The following GBA2 variants were observed in gnomAD, a reference collection of about 807,000 sequenced individuals.
GBA2 encodes the protein non-lysosomal glucosylceramidase.
GBA2 carries 79 observed loss-of-function variants against 112.9 expected under a neutral mutation model. The ratio of observed to expected loss-of-function variants is 0.70; its 90% CI spans 0.58 to 0.84. GBA2 has a LOEUF of 0.84. Ranked by LOEUF, GBA2 falls within the 40% of genes least tolerant of loss-of-function variation. The pLI, the probability that GBA2 is intolerant of heterozygous loss-of-function variation, is 0.00. For synonymous variants in GBA2, 403 were observed against 434.3 expected, an observed-to-expected ratio of 0.93 and a Z score of 0.90; for missense variants, 1,043 against 1,190.0, an observed-to-expected ratio of 0.88 and a Z score of 1.82.
chr9:35,739,056 C>T lies in GBA2; in HGVS notation c.1741G>A (p.Val581Met), dbSNP rs780871073. ...TTCCTCCTTTTCACAGGTGCCATCA[C>T]CCCACTCATCAGGTACCGTCGCCGT... ...LTRRRYLMSG[V>M]MAPVKRRNVI... Residue 581 changes from valine (V) to methionine (M), a missense_variant, in exon 11 of 17, where the codon GTG becomes ATG. Physicochemically the swap from Val to Met is conservative, Grantham distance 21. Transcript: ENST00000378103. 3 of 1,613,692 alleles carry T rather than the reference C, an allele frequency of 1.9e-6. No homozygotes were observed. The Middle Eastern group carries it at 5.0e-4, about 267-fold the overall frequency.
In GBA2 at chr9:35,738,121, C is replaced by G. The variant is rs766699931; in HGVS notation, c.2229G>C (p.Arg743=). ...GRYYNYDSSS[R]PQSRSVMSDQ... is the part of the protein sequence containing the mutation. ...CAGACATAACACTACGAGACTGAGG[C>G]CGAGAGCTGCTGTCATAGTTGTAAT... The change falls in exon 15 of 17, where the codon CGG becomes CGC. Residue 743 remains arginine, a synonymous_variant. Coordinates refer to ENST00000378103, the MANE Select transcript of GBA2 (RefSeq NM_020944.3). 16 of 1,613,960 alleles carry G rather than the reference C, an allele frequency of 9.9e-6. No individual in the cohort carries two copies. The East Asian group carries it at 3.3e-4, about 34-fold the overall frequency.
In GBA2 at chr9:35,737,920, A is replaced by G. The variant is rs748939597; in HGVS notation, c.2333T>C (p.Val778Ala). 6.2e-7 allele frequency: 1 copy of G among 1,611,842 alleles called. No homozygotes were observed. The highest frequency in any genetic ancestry group is 8.5e-7 in the Non-Finnish European group (1 of 1,179,320). Reference protein sequence around the residue: ...GDTEVFPTQHVVRALQTIFEL... With the variant: ...GDTEVFPTQHAVRALQTIFEL... Reference sequence around the variant, plus strand: ...AAAGATAGTTTGGAGAGCACGGACCACATGTTGGGTAGGAAACACCTGGAG... The same window carrying G: ...AAAGATAGTTTGGAGAGCACGGACCGCATGTTGGGTAGGAAACACCTGGAG... Residue 778 changes from valine to alanine, a missense_variant, in exon 16 of 17, where the codon GTG becomes GCG. Coordinates refer to ENST00000378103, the MANE Select transcript of GBA2 (RefSeq NM_020944.3). This position sits in a 1 kb window ranked among gnomAD's most constrained non-coding sequence, Gnocchi z 4.1.
chr9:35,737,739 G>A lies in GBA2; in HGVS notation c.2505+9C>T. ...AGATGGTGGAGAGATGGGAAAAGGA[G>A]TGCATTACCTCTTGGATCATGGTAG... is the stretch of plus-strand genomic sequence containing the variant. On this transcript the variant is annotated intron_variant, in intron 16 of 16. Transcript: ENST00000378103. The surrounding 1 kb of genome is among the most constrained non-coding windows in gnomAD (Gnocchi z 4.1). 1 of 1,613,220 alleles carries A rather than the reference G, an allele frequency of 6.2e-7. No homozygotes were observed. The highest frequency in any genetic ancestry group is 8.5e-7 in the Non-Finnish European group (1 of 1,179,164).
In GBA2 at chr9:35,738,830, C is replaced by T; in HGVS notation, c.1869G>A (p.Lys623=). The change falls in exon 12 of 17, where the codon AAG becomes AAA. Residue 623 remains lysine (K), a synonymous_variant. Coordinates refer to ENST00000378103, the MANE Select transcript of GBA2 (RefSeq NM_020944.3). ...AGTCCCGATAAACCTGCAGCACAAA[C>T]TTCAGGTTCAGGTCCTTCCAATCAG... ...DTADWKDLNL[K]FVLQVYRDYY... 2 of 1,614,108 alleles carry T rather than the reference C, an allele frequency of 1.2e-6. No homozygotes were observed. Among genetic ancestry groups the T allele is most frequent in the East Asian group, 2.2e-5 (1 of 44,888 alleles).
chr9:35,741,596 C>T lies in GBA2; in HGVS notation c.786+76G>A. The T allele has an allele frequency of 9.9e-7, 1 of 1,011,890 alleles. No homozygotes were observed. The highest frequency in any genetic ancestry group is 1.7e-5 in the Admixed American group (1 of 59,118). 62.7% of individuals were successfully genotyped at this position (1,011,890 alleles called of 1,614,324 possible). The stretch of plus-strand genomic sequence containing the variant: ...TACAGGCGTGAGCTACCGCGCCTCG[C>T]AGGCCATGCAGTTTCTAGCAGAGGC... On this transcript the variant is annotated intron_variant, in intron 4 of 16. Transcript: ENST00000378103. This position sits in a 1 kb window ranked among gnomAD's most constrained non-coding sequence, Gnocchi z 4.6.
At chr9:35,738,958 G>A (rs368866161) in intron 11 of GBA2, 44 bp downstream of exon 11, 49 of 1,607,720 alleles carry the variant, frequency 3.0e-5, no homozygotes, top group Non-Finnish European at 3.8e-5. Context: ...GGTAGAGGGT[G>A]CAAAAGTTGA....
Position 35,737,561 on chromosome 9 carries a change from G to A in GBA2, c.2506-114C>T, listed in dbSNP as rs761563240. 1.9e-5 allele frequency: 30 copies of A among 1,555,892 alleles called. No individual in the cohort carries two copies. In the South Asian group the frequency reaches 3.0e-4, roughly 16 times the overall value. On this transcript the variant is annotated intron_variant, in intron 16 of 16. Transcript: ENST00000378103. The surrounding 1 kb of genome is among the most constrained non-coding windows in gnomAD (Gnocchi z 4.1). ...GCCTTCAAGGAGCTCCCAGCAAGTG[G>A]AGGAGATAACTATGACCCACAGACA...
rs769843232 is a variant in GBA2, at chr9:35,741,943, A to G, written c.568-53T>C. The G allele has an allele frequency of 8.3e-7, 1 of 1,211,890 alleles. No individual in the cohort carries two copies. Among genetic ancestry groups the G allele is most frequent in the Non-Finnish European group, 1.2e-6 (1 of 822,358 alleles). The allele number at this position is 1,211,890 out of a possible 1,614,324, so 75.1% of individuals were successfully genotyped here. A position where few individuals can be genotyped will look rare whatever the true frequency, so the allele number is the denominator to read the frequency against. On this transcript the variant is annotated intron_variant, in intron 3 of 16. Transcript: ENST00000378103. The surrounding 1 kb of genome is among the most constrained non-coding windows in gnomAD (Gnocchi z 4.6). ...GGTAAACCACAGGGACCACAGACTA[A>G]GTCTTCCCTCTCCTCAAATCAGCTC...
chr9:35,742,942 G>T (rs757777019), intron 3 of GBA2, among the ~76,000 whole-genome samples: 1 of 152,216 alleles, frequency 6.6e-6, no homozygotes, highest in Non-Finnish European at 1.5e-5. Flanking sequence ...TGGAAAAAAA[G>T]TTGTGTCTGT....
chr9:35,741,696 T>C lies in GBA2; in HGVS notation c.762A>G (p.Thr254=), dbSNP rs1826696593. ...QNVTLTCRQI[T]PILPHDYQDS... is the part of the protein sequence containing the mutation. ...CCTGGTAGTCATGGGGCAAGATGGGTGTGATCTGACGGCAGGTGAGGGTGA... is the reference window on the plus strand; with the variant it reads ...CCTGGTAGTCATGGGGCAAGATGGGCGTGATCTGACGGCAGGTGAGGGTGA... The change falls in exon 4 of 17, where the codon ACA becomes ACG. Residue 254 remains threonine, a synonymous_variant. Coordinates refer to ENST00000378103, the MANE Select transcript of GBA2 (RefSeq NM_020944.3). The surrounding 1 kb of genome is among the most constrained non-coding windows in gnomAD (Gnocchi z 4.6). The C allele has an allele frequency of 9.9e-6, 16 of 1,611,744 alleles. No homozygotes were observed. The highest frequency in any genetic ancestry group is 1.4e-5 in the Non-Finnish European group (16 of 1,178,012).
At position 35,740,372 on chromosome 9, in the gene GBA2, A is replaced by G. The variant is rs1826581492; in HGVS notation, c.1130-10T>C. On this transcript the variant is annotated splice_polypyrimidine_tract_variant and intron_variant, in intron 6 of 16. Coordinates refer to ENST00000378103, the MANE Select transcript of GBA2 (RefSeq NM_020944.3). This position sits in a 1 kb window ranked among gnomAD's most constrained non-coding sequence, Gnocchi z 4.7. ...GTAGGGGTGCTTTGGCCTGAGAGAA[A>G]CACAAGAGAATTCAGGACAGGAGCC... 1.9e-6 allele frequency: 3 copies of G among 1,611,892 alleles called. No individual in the cohort carries two copies. The highest frequency in any genetic ancestry group is 4.5e-5 in the East Asian group (2 of 44,876).
In GBA2 at chr9:35,741,019, C is replaced by A; in HGVS notation, c.832G>T (p.Glu278Ter). 6.2e-7 allele frequency: 1 copy of A among 1,614,130 alleles called. No homozygotes were observed. Among genetic ancestry groups the A allele is most frequent in the Non-Finnish European group, 8.5e-7 (1 of 1,179,978 alleles). The change falls in exon 5 of 17, where the codon GAA (glutamate) becomes TAA (stop). Residue 278 changes from glutamate to a stop codon, truncating the protein, a stop_gained. Coordinates refer to ENST00000378103, the MANE Select transcript of GBA2 (RefSeq NM_020944.3). LOFTEE classifies it high-confidence loss of function. This position sits in a 1 kb window ranked among gnomAD's most constrained non-coding sequence, Gnocchi z 4.6. ...GACACATCTAGAGCTTCGTCCCCTT[C>A]ATTTTCCACATCCCACACAAAGACT... Reference protein sequence around the residue: ...VGVFVWDVENEGDEALDVSIM... With the variant: ...VGVFVWDVEN
chr9:35,746,457 G>A lies in GBA2; in HGVS notation c.360-1751C>T, dbSNP rs1016624041. Among the ~76,000 whole-genome samples, 1 of 152,128 alleles carries A rather than the reference G, an allele frequency of 6.6e-6. No homozygotes were observed. The highest frequency in any genetic ancestry group is 2.4e-5 in the African/African-American group (1 of 41,432). On this transcript the variant is annotated intron_variant, in intron 1 of 16. Coordinates refer to ENST00000378103, the MANE Select transcript of GBA2 (RefSeq NM_020944.3). The surrounding 1 kb of genome is among the most constrained non-coding windows in gnomAD (Gnocchi z 5.2). ...TACAAAAACATTAGCCAGCTGTGGT[G>A]GCAGGCACCTGCAATCCCAGCTACT...
At position 35,737,718 on chromosome 9, in the gene GBA2, G is replaced by A. The variant is rs755079907; in HGVS notation, c.2505+30C>T. The A allele has an allele frequency of 6.2e-7, 1 of 1,610,672 alleles. No individual in the cohort carries two copies. The highest frequency in any genetic ancestry group is 1.3e-5 in the African/African-American group (1 of 74,858). On this transcript the variant is annotated intron_variant, in intron 16 of 16. Transcript: ENST00000378103. This position sits in a 1 kb window ranked among gnomAD's most constrained non-coding sequence, Gnocchi z 4.1. ...AAGTTTTCTGGGCCAGGATACAGAT[G>A]GTGGAGAGATGGGAAAAGGAGTGCA...
At position 35,741,726 on chromosome 9, in the gene GBA2, C is replaced by G. The variant is rs1261143897; in HGVS notation, c.732G>C (p.Gln244His). Residue 244 changes from glutamine to histidine, a missense_variant, in exon 4 of 17, where the codon CAG becomes CAC. By Grantham distance (24) the Gln-to-His change is conservative (BLOSUM62 0). Coordinates refer to ENST00000378103, the MANE Select transcript of GBA2 (RefSeq NM_020944.3). The surrounding 1 kb of genome is among the most constrained non-coding windows in gnomAD (Gnocchi z 4.6). ...RAWTVYQLPG[Q>H]NVTLTCRQIT... ...TCTGACGGCAGGTGAGGGTGACATT[C>G]TGGCCAGGAAGCTGATAGACAGTCC... is the stretch of plus-strand genomic sequence containing the variant. 1 of 1,613,962 alleles carries G rather than the reference C, an allele frequency of 6.2e-7. No individual in the cohort carries two copies.
Position 35,740,015 on chromosome 9 carries a change from G to A in GBA2, c.1392C>T (p.Ser464=), listed in dbSNP as rs1414407402. 6 of 1,614,090 alleles carry A rather than the reference G, an allele frequency of 3.7e-6. No individual in the cohort carries two copies. The highest frequency in any genetic ancestry group is 5.1e-6 in the Non-Finnish European group (6 of 1,179,976). ...EWEERISAWQ[S]PVLDDRSLPA... ...ACTGGCACCTGTCATCCAATACCGG[G>A]CTCTGCCAAGCTGAGATCCTCTCTT... is the stretch of plus-strand genomic sequence containing the variant. The change falls in exon 8 of 17, where the codon AGC becomes AGT. Residue 464 remains serine (S), a synonymous_variant. Coordinates refer to ENST00000378103, the MANE Select transcript of GBA2 (RefSeq NM_020944.3). The surrounding 1 kb of genome is among the most constrained non-coding windows in gnomAD (Gnocchi z 4.7).
Position 35,738,700 on chromosome 9 carries a change from C to T in GBA2, c.1947+52G>A, listed in dbSNP as rs1194679817. 2.5e-6 allele frequency: 4 copies of T among 1,608,772 alleles called. No homozygotes were observed. In the East Asian group the frequency reaches 8.9e-5, roughly 36 times the overall value. On this transcript the variant is annotated intron_variant, in intron 12 of 16. Transcript: ENST00000378103. ...AGGCAACAACCAGCTAGGCTCTTCC[C>T]AGACACCAACCATACCCCTGGCACA... is the stretch of plus-strand genomic sequence containing the variant.
At position 35,741,258 on chromosome 9, in the gene GBA2, G is replaced by GC. The variant is rs1826657405; in HGVS notation, c.787-195dup. 1 of 619,258 alleles carries GC rather than the reference G, an allele frequency of 1.6e-6. No homozygotes were observed. The highest frequency in any genetic ancestry group is 1.8e-5 in the African/African-American group (1 of 54,428). The allele number at this position is 619,258 out of a possible 1,614,324, so 38.4% of individuals were successfully genotyped here. The stretch of plus-strand genomic sequence containing the variant: ...AATATAGAAGACCAGAACCAGTTGG[G>GC]CGGTGGTTCTGGGAAGCCAGTGTGA... On this transcript the variant is annotated intron_variant, in intron 4 of 16. Coordinates refer to ENST00000378103, the MANE Select transcript of GBA2 (RefSeq NM_020944.3). This position sits in a 1 kb window ranked among gnomAD's most constrained non-coding sequence, Gnocchi z 4.6.
At position 35,741,969 on chromosome 9, in the gene GBA2, C is replaced by T; in HGVS notation, c.568-79G>A. On this transcript the variant is annotated intron_variant, in intron 3 of 16. Transcript: ENST00000378103. This position sits in a 1 kb window ranked among gnomAD's most constrained non-coding sequence, Gnocchi z 4.6. ...GTCTTCCCTCTCCTCAAATCAGCTC[C>T]TCCCCTTTCAGAGCCTGCAACTGTT... The T allele has an allele frequency of 4.3e-6, 4 of 938,676 alleles. No individual in the cohort carries two copies. Among genetic ancestry groups the T allele is most frequent in the South Asian group, 4.1e-5 (3 of 73,654 alleles). The allele number at this position is 938,676 out of a possible 1,614,324, so 58.1% of individuals were successfully genotyped here. A position where few individuals can be genotyped will look rare whatever the true frequency, so the allele number is the denominator to read the frequency against.
Sources: allele counts gnomAD v4.1 joint callset (sites outside exome capture counted in the v4.1 genomes callset), GRCh38; gene constraint gnomAD v4.1.1; non-coding constraint Gnocchi (gnomAD v3.1); transcripts MANE v1.5; gene names NCBI Gene and HGNC (gene_info 2026-07-23, HGNC 2026-07-21).